Variants in MYH10 observed in about 807,000 individuals in gnomAD.
MYH10 encodes the protein myosin heavy chain 10, also known as myosin-10.
MYH10 carries 55 observed loss-of-function variants against 257.8 expected under a neutral mutation model. That is an observed-to-expected ratio of 0.21 (90% CI 0.17 to 0.27). MYH10 has a LOEUF of 0.27. Ranked by LOEUF, MYH10 falls within the 10% of genes least tolerant of loss-of-function variation. The pLI is 1.00. For missense variants in MYH10, 1,631 were observed against 2,500.6 expected (o/e 0.65, Z 7.42); for synonymous variants, 854 against 921.7 (o/e 0.93, Z 1.33).
At chr17:8,578,891 A>C (rs2152024434) in intron 4 of MYH10, among the ~76,000 whole-genome samples, 1 of 152,344 alleles carries the variant, frequency 6.6e-6, no homozygotes, top group East Asian at 1.9e-4. Flanking sequence ...AAATGTTATT[A>C]TATACCTTGC....
intron 30 of MYH10, among the ~76,000 whole-genome samples, chr17:8,495,627 C>T (rs902566400): frequency 7.2e-5 from 11 of 152,104 alleles, no homozygotes; most frequent in South Asian, 4.1e-4. Context: ...GTCCTTCACA[C>T]GAATATGCGT....
At chr17:8,510,027 C>CTATGCAGG (rs2081208614) in intron 24 of MYH10, 78 bp from the exon 25 acceptor site, 2 of 1,331,564 alleles carry the variant, frequency 1.5e-6, no homozygotes, top group African/African-American at 3.2e-5. Context: ...GAATGCATTA[C>CTATGCAGG]AATGAGATAC....
intron 35 of MYH10, among the ~76,000 whole-genome samples, chr17:8,489,746 C>CACACACACACACACACACACACA (rs1451899373): frequency 5.4e-4 from 81 of 149,444 alleles, no homozygotes; most frequent in South Asian, 6.3e-4. Context: ...CACACACACA[C>CACACACACACACACACACACACA]CCCAAATCCA....
At chr17:8,606,181 C>T (rs2084795240) in intron 2 of MYH10, among the ~76,000 whole-genome samples, 1 of 143,422 alleles carries the variant, frequency 7.0e-6, no homozygotes, top group Admixed American at 7.3e-5. Context: ...ACAAACTTTT[C>T]CTGATCAATA....
At chr17:8,524,712 C>T (rs562560107) in intron 17 of MYH10, among the ~76,000 whole-genome samples, 1 of 152,272 alleles carries the variant, frequency 6.6e-6, no homozygotes, top group Non-Finnish European at 1.5e-5. Context: ...ATCCTCTACC[C>T]GTAGTGCTAC....
chr17:8,550,412 C>T (rs12941084), intron 9 of MYH10, among the ~76,000 whole-genome samples: 130,285 of 138,062 alleles, frequency 0.94, 61,578 homozygotes, highest in Non-Finnish European at 0.99. Context: ...CATCTCTGCC[C>T]GGCCGCCCCG....
At chr17:8,488,737 G>A (rs1293597313) in intron 35 of MYH10, among the ~76,000 whole-genome samples, 1 of 152,068 alleles carries the variant, frequency 6.6e-6, no homozygotes, top group Non-Finnish European at 1.5e-5. Context: ...GCAGGGGTTG[G>A]CATGGGAGAG....
intron 21 of MYH10, among the ~76,000 whole-genome samples, chr17:8,517,825 C>T (rs1474903833): frequency 1.3e-5 from 2 of 152,220 alleles, no homozygotes; most frequent in African/African-American, 4.8e-5. Flanking sequence ...CCCTCTCACC[C>T]ATCCTGCTCC....
intron 24 of MYH10, chr17:8,511,050 ATATATATAT>A (rs2081267824): frequency 3.5e-5 from 4 of 115,340 alleles, no homozygotes; most frequent in African/African-American, 1.7e-4. Context: ...ATATATATAT[ATATATATAT>A]ACACACATAC....
At chr17:8,548,984 G>A (rs2082533982) in intron 9 of MYH10, among the ~76,000 whole-genome samples, 197 bp from the exon 10 acceptor site, 1 of 152,088 alleles carries the variant, frequency 6.6e-6, no homozygotes, top group Non-Finnish European at 1.5e-5. Context: ...TACCAACAAA[G>A]GAAAATGATG....
At chr17:8,613,554 C>A (rs1339457141) in intron 2 of MYH10, among the ~76,000 whole-genome samples, 1 of 151,986 alleles carries the variant, frequency 6.6e-6, no homozygotes, top group Non-Finnish European at 1.5e-5. Flanking sequence ...GAATATGTAA[C>A]CACTAAAAGA....
At chr17:8,567,160 C>T (rs1435275613) in intron 7 of MYH10, among the ~76,000 whole-genome samples, 2 of 152,132 alleles carry the variant, frequency 1.3e-5, no homozygotes, top group Non-Finnish European at 2.9e-5. Context: ...AGGAAAATTT[C>T]AGATTTAGTT....
intron 4 of MYH10, among the ~76,000 whole-genome samples, chr17:8,580,676 A>G (rs1316415549): frequency 6.6e-6 from 1 of 152,140 alleles, no homozygotes; most frequent in East Asian, 1.9e-4. Context: ...CCTGGCTACT[A>G]TTGGCACATA....
At chr17:8,507,960 G>A (rs1008256568) in intron 26 of MYH10, among the ~76,000 whole-genome samples, 1 of 151,750 alleles carries the variant, frequency 6.6e-6, no homozygotes, top group African/African-American at 2.4e-5. Context: ...CAACAAGAGT[G>A]AAACTCCATC....
At chr17:8,581,333 T>G (rs935646356) in intron 4 of MYH10, among the ~76,000 whole-genome samples, 2 of 152,186 alleles carry the variant, frequency 1.3e-5, no homozygotes, top group Admixed American at 1.3e-4. Flanking sequence ...AAAAGATAAT[T>G]TCTTATTACA....
At chr17:8,487,372 G>C (rs969797940) in intron 36 of MYH10, 61 bp downstream of exon 36, 2 of 1,598,576 alleles carry the variant, frequency 1.3e-6, no homozygotes, top group Admixed American at 1.7e-5. Context: ...GCTGGACTCT[G>C]TGTAAAAGCC....
intron 7 of MYH10, among the ~76,000 whole-genome samples, chr17:8,566,232 A>C (rs1048704164): frequency 1.3e-5 from 2 of 152,200 alleles, no homozygotes; most frequent in African/African-American, 4.8e-5. Context: ...ACATACATCA[A>C]TGATGGAAAT....
In MYH10 at chr17:8,506,243, G is replaced by T; in HGVS notation, c.3386+75C>A. On this transcript the variant is annotated intron_variant, in intron 27 of 42. Coordinates refer to ENST00000360416, the MANE Select transcript of MYH10 (RefSeq NM_001256012.3). The surrounding 1 kb of genome is among the most constrained non-coding windows in gnomAD (Gnocchi z 5.0). ...TCTCACTCTCCCAGGGTTTTTGAAT[G>T]CTCCCGAACATAACAAAGTCTGCTG... The T allele has an allele frequency of 7.0e-7, 1 of 1,428,406 alleles. No homozygotes were observed. Among genetic ancestry groups the T allele is most frequent in the Non-Finnish European group, 9.2e-7 (1 of 1,082,072 alleles). The allele number at this position is 1,428,406 out of a possible 1,614,324, so 88.5% of individuals were successfully genotyped here.
At position 8,610,271 on chromosome 17, in the gene MYH10, C is replaced by CAAAA. The variant is rs71361810; in HGVS notation, c.346-5293_346-5290dup. On this transcript the variant is annotated intron_variant, in intron 2 of 42. Coordinates refer to ENST00000360416, the MANE Select transcript of MYH10 (RefSeq NM_001256012.3). The stretch of plus-strand genomic sequence containing the variant: ...GTTTATAGGGAGCACCATAGGATTG[C>CAAAA]AAAAAAAAAAAAAAAAAAAAAGGGT... 3.6e-3 allele frequency among the ~76,000 whole-genome samples: 167 copies of CAAAA among 45,976 alleles called. 23 individuals are homozygous for CAAAA. Among genetic ancestry groups the CAAAA allele is most frequent in the African/African-American group, 0.016 (153 of 9,862 alleles). 30.2% of individuals were successfully genotyped at this position (45,976 alleles called of 152,430 possible). A position where few individuals can be genotyped will look rare whatever the true frequency, so the allele number is the denominator to read the frequency against.
Sources: gnomAD v4.1 joint callset for allele counts (sites outside exome capture counted in the v4.1 genomes callset) on GRCh38, gnomAD v4.1.1 for gene constraint, Gnocchi (gnomAD v3.1) non-coding constraint, MANE v1.5 for transcripts, NCBI Gene and HGNC (gene_info 2026-07-23, HGNC 2026-07-21) for gene names.